Variants in CDH12 observed in about 807,000 individuals in gnomAD.
CDH12 encodes the protein cadherin 12, also known as cadherin-12.
Under a neutral mutation model 74.1 loss-of-function variants are expected in CDH12, and 41 were observed. The observed-to-expected ratio is 0.55, with a 90% CI of 0.43 to 0.72. The LOEUF (loss-of-function observed/expected upper bound fraction) is 0.72, where lower values mean the gene tolerates loss of function less well. Ranked by LOEUF, CDH12 falls within the 30% of genes least tolerant of loss-of-function variation. CDH12 has a pLI of 0.00. For synonymous variants in CDH12, 399 were observed against 355.0 expected, an observed-to-expected ratio of 1.12 and a Z score of -1.39; for missense variants, 945 against 977.2, an observed-to-expected ratio of 0.97 and a Z score of 0.44.
chr5:22,716,355 T>A (rs1743577544), intron 1 of CDH12, among the ~76,000 whole-genome samples: 1 of 151,976 alleles, frequency 6.6e-6, no homozygotes, highest in Non-Finnish European at 1.5e-5. Context: ...TGTGGTCCCA[T>A]GAGATTATAA....
intron 9 of CDH12, among the ~76,000 whole-genome samples, chr5:21,803,830 G>A (rs570624773): frequency 3.3e-5 from 5 of 152,098 alleles, no homozygotes; most frequent in Non-Finnish European, 7.4e-5. Flanking sequence ...AATAAAGGAA[G>A]GATGGATATT....
chr5:22,057,724 A>G (rs1389056329), intron 5 of CDH12, among the ~76,000 whole-genome samples: 1 of 152,134 alleles, frequency 6.6e-6, no homozygotes, highest in Non-Finnish European at 1.5e-5. Context: ...AAAACCCACG[A>G]AAGTCAGATA....
intron 1 of CDH12, among the ~76,000 whole-genome samples, chr5:22,630,172 G>A (rs1738508614): frequency 6.6e-6 from 1 of 151,888 alleles, no homozygotes; most frequent in South Asian, 2.1e-4. Context: ...TGTTAAAATG[G>A]CCATACTCTC....
intron 6 of CDH12, among the ~76,000 whole-genome samples, chr5:21,893,724 A>T (rs2150046680): frequency 6.6e-6 from 1 of 152,358 alleles, no homozygotes; most frequent in African/African-American, 2.4e-5. Context: ...GAAACAAGCA[A>T]GTGCAACATT....
chr5:22,290,974 AAG>A (rs1561287336), intron 3 of CDH12, among the ~76,000 whole-genome samples: 1 of 152,166 alleles, frequency 6.6e-6, no homozygotes, highest in Non-Finnish European at 1.5e-5. Context: ...CGAAAAATTG[AAG>A]AGGAGAGAAC....
At chr5:22,389,918 G>T (rs1191750892) in intron 3 of CDH12, among the ~76,000 whole-genome samples, 1 of 151,850 alleles carries the variant, frequency 6.6e-6, no homozygotes, top group Non-Finnish European at 1.5e-5. Flanking sequence ...AAAGCGCTGG[G>T]ATTACAGGCG....
At chr5:21,829,111 A>T (rs1748860385) in intron 8 of CDH12, among the ~76,000 whole-genome samples, 1 of 152,164 alleles carries the variant, frequency 6.6e-6, no homozygotes, top group Admixed American at 6.5e-5. Flanking sequence ...CCTGGCCAAC[A>T]TGGCAAAGCC....
chr5:22,257,282 C>A (rs1402266436), intron 3 of CDH12, among the ~76,000 whole-genome samples: 1 of 151,946 alleles, frequency 6.6e-6, no homozygotes, highest in Non-Finnish European at 1.5e-5. Flanking sequence ...GAAAAAAGTT[C>A]ACCTATGTAA....
intron 5 of CDH12, among the ~76,000 whole-genome samples, chr5:21,982,755 AAGG>A (rs1287684459): frequency 1.3e-5 from 2 of 152,088 alleles, no homozygotes; most frequent in East Asian, 1.9e-4. Context: ...ACATTAAAAA[AAGG>A]AGAACAACTA....
At chr5:22,269,564 A>G (rs1449214346) in intron 3 of CDH12, among the ~76,000 whole-genome samples, 2 of 152,180 alleles carry the variant, frequency 1.3e-5, no homozygotes, top group Non-Finnish European at 2.9e-5. Context: ...AATTTACACC[A>G]TGTCCAAACT....
intron 1 of CDH12, among the ~76,000 whole-genome samples, chr5:22,752,061 A>G (rs1246562666): frequency 6.6e-6 from 1 of 152,192 alleles, no homozygotes; most frequent in Non-Finnish European, 1.5e-5. Flanking sequence ...TCTAGAGAAA[A>G]GTAGCAAATC....
intron 4 of CDH12, among the ~76,000 whole-genome samples, chr5:22,164,710 G>A (rs1156749624): frequency 3.3e-5 from 5 of 151,000 alleles, no homozygotes; most frequent in African/African-American, 1.2e-4. Flanking sequence ...TAGATGATTG[G>A]CTATTTCTTT....
intron 6 of CDH12, among the ~76,000 whole-genome samples, chr5:21,886,268 T>C (rs554041237): frequency 3.3e-5 from 5 of 151,920 alleles, no homozygotes; most frequent in African/African-American, 9.7e-5. Flanking sequence ...GGTATTCTAA[T>C]AGCTAAAATG....
intron 4 of CDH12, among the ~76,000 whole-genome samples, chr5:22,154,594 TA>T: frequency 7.7e-6 from 1 of 129,358 alleles, no homozygotes; most frequent in Non-Finnish European, 1.7e-5. Context: ...TGTGTACACA[TA>T]TATATACACA....
chr5:22,714,430 C>G (rs773591844), intron 1 of CDH12, among the ~76,000 whole-genome samples: 4 of 152,060 alleles, frequency 2.6e-5, no homozygotes, highest in Non-Finnish European at 5.9e-5. Flanking sequence ...CCTCTTTCAG[C>G]GATTACTGGC....
intron 5 of CDH12, among the ~76,000 whole-genome samples, chr5:22,070,138 C>CA (rs376540000): frequency 6.6e-6 from 1 of 152,130 alleles, no homozygotes; most frequent in Non-Finnish European, 1.5e-5. Context: ...TCATGGAACA[C>CA]AAAATGTATT....
At chr5:21,887,079 G>C (rs943682736) in intron 6 of CDH12, among the ~76,000 whole-genome samples, 3 of 152,172 alleles carry the variant, frequency 2.0e-5, no homozygotes, top group Non-Finnish European at 4.4e-5. Flanking sequence ...AGGATTTTCA[G>C]ACTCATTCAC....
In CDH12 at chr5:22,508,070, A is replaced by T. The variant is rs181105061; in HGVS notation, c.-522-2706T>A. ...TTTGGGCCTATTCAGCTAATACAGG[A>T]TAATCTCCTCGTTTTAAGATCCTTT... is the stretch of plus-strand genomic sequence containing the variant. On this transcript the variant is annotated intron_variant, in intron 1 of 14. Coordinates refer to ENST00000382254, the MANE Select transcript of CDH12 (RefSeq NM_004061.5). Among the ~76,000 whole-genome samples the T allele has an allele frequency of 2.0e-4, 30 of 152,276 alleles. 1 individual carries two copies. In the East Asian group the frequency reaches 5.4e-3, roughly 27 times the overall value.
intron 5 of CDH12, among the ~76,000 whole-genome samples, chr5:22,058,159 C>T (rs928308671): frequency 6.6e-6 from 1 of 152,088 alleles, no homozygotes; most frequent in Non-Finnish European, 1.5e-5. Flanking sequence ...CAGGTTCAAG[C>T]AATTCTCCTG....
Sources: allele counts gnomAD v4.1 joint callset (sites outside exome capture counted in the v4.1 genomes callset), GRCh38; gene constraint gnomAD v4.1.1; transcripts MANE v1.5; gene names NCBI Gene and HGNC (gene_info 2026-07-23, HGNC 2026-07-21).